Variants in VPS50 observed in about 807,000 individuals in gnomAD.
The protein encoded by VPS50 is syndetin.
VPS50 carries 70 observed loss-of-function variants against 139.7 expected under a neutral mutation model. The ratio of observed to expected loss-of-function variants is 0.50; its 90% CI spans 0.41 to 0.61. VPS50 has a LOEUF of 0.61. VPS50 is among the 20% of genes least tolerant of loss of function. The pLI, the probability that VPS50 is intolerant of heterozygous loss-of-function variation, is 0.00. For missense variants in VPS50, 921 were observed against 1,133.7 expected, an observed-to-expected ratio of 0.81 and a Z score of 2.69; for synonymous variants, 365 against 376.7, an observed-to-expected ratio of 0.97 and a Z score of 0.36.
intron 18 of VPS50, among the ~76,000 whole-genome samples, chr7:93,307,314 T>A (rs1474836952): frequency 1.3e-5 from 2 of 151,890 alleles, no homozygotes; most frequent in Non-Finnish European, 2.9e-5. Flanking sequence ...ATCACAGCCT[T>A]CTTGTACTTA....
At chr7:93,339,898 CTT>C (rs1798166983) in intron 22 of VPS50, among the ~76,000 whole-genome samples, 1 of 151,610 alleles carries the variant, frequency 6.6e-6, no homozygotes, top group Non-Finnish European at 1.5e-5. Flanking sequence ...TATTTTTTTT[CTT>C]TTTGTAAATT....
chr7:93,320,185 T>G lies in VPS50; in HGVS notation c.1856-3426T>G, dbSNP rs1797561806. Among the ~76,000 whole-genome samples, 4 of 152,236 alleles carry G rather than the reference T, an allele frequency of 2.6e-5. No homozygotes were observed. In the South Asian group the frequency reaches 8.3e-4, roughly 32 times the overall value. ...TTCAGTAGAAATTCGGACTCGGAAC[T>G]TTGTGTGAAATATAGGAAAGGGCTT... On this transcript the variant is annotated intron_variant, in intron 20 of 27. Coordinates refer to ENST00000305866, the MANE Select transcript of VPS50 (RefSeq NM_017667.4).
At chr7:93,271,198 C>CT in intron 9 of VPS50, 22 bp from the exon 10 acceptor site, 5 of 1,519,204 alleles carry the variant, frequency 3.3e-6, no homozygotes, top group South Asian at 2.5e-5. Flanking sequence ...TAGAAAAAAA[C>CT]TGTTTTTTTT....
intron 9 of VPS50, among the ~76,000 whole-genome samples, chr7:93,259,841 G>A (rs1486827435): frequency 2.0e-5 from 3 of 152,016 alleles, no homozygotes; most frequent in African/African-American, 7.2e-5. Context: ...GCTTTTTCTT[G>A]TCACCTCATT....
chr7:93,343,002 A>T (rs571004801), intron 23 of VPS50, among the ~76,000 whole-genome samples: 12 of 152,366 alleles, frequency 7.9e-5, no homozygotes, highest in African/African-American at 2.4e-4. Flanking sequence ...TGACGAGCTG[A>T]GAGAAGAAGG....
At chr7:93,303,102 T>C (rs1483401759) in intron 16 of VPS50, among the ~76,000 whole-genome samples, 2 of 152,018 alleles carry the variant, frequency 1.3e-5, no homozygotes, top group East Asian at 3.8e-4. Flanking sequence ...AAATTTTTTC[T>C]TGATGTTTTA....
At chr7:93,265,629 A>G (rs1165940896) in intron 9 of VPS50, among the ~76,000 whole-genome samples, 2 of 152,018 alleles carry the variant, frequency 1.3e-5, no homozygotes, top group African/African-American at 4.8e-5. Context: ...CAGTGGTACA[A>G]TCTCGGTTCA....
chr7:93,259,353 C>T, intron 8 of VPS50, 197 bp from the exon 9 acceptor site: 1 of 405,238 alleles, frequency 2.5e-6, no homozygotes. Context: ...TTAAATATTT[C>T]TTCTATGTAT....
At chr7:93,344,443 A>G (rs1490594889) in intron 23 of VPS50, among the ~76,000 whole-genome samples, 2 of 152,206 alleles carry the variant, frequency 1.3e-5, no homozygotes, top group East Asian at 3.8e-4. Flanking sequence ...GTTAACAAGG[A>G]TACCCAGGAA....
At chr7:93,258,808 T>C (rs1395766238) in intron 8 of VPS50, among the ~76,000 whole-genome samples, 1 of 152,048 alleles carries the variant, frequency 6.6e-6, no homozygotes, top group Non-Finnish European at 1.5e-5. Context: ...GCATTTTCTG[T>C]CTACTTCTGT....
chr7:93,251,741 TTG>T (rs1004449269), intron 2 of VPS50, among the ~76,000 whole-genome samples: 18 of 152,214 alleles, frequency 1.2e-4, no homozygotes, highest in Non-Finnish European at 2.1e-4. Flanking sequence ...AGTATTTTTA[TTG>T]TGTTATTTTA....
In VPS50 at chr7:93,349,938, G is replaced by A. The variant is rs760560920; in HGVS notation, c.2368G>A (p.Asp790Asn). The change falls in exon 25 of 28, where the codon GAT (aspartate) becomes AAT (asparagine). Residue 790 changes from aspartate (D) to asparagine (N), a missense_variant. Coordinates refer to ENST00000305866, the MANE Select transcript of VPS50 (RefSeq NM_017667.4). ...CTGGATTGTAGCTGGTAAAGCCCTT[G>A]ATTATGAACAGATGCTGCTTCTCAT... ...IYWIVAGKALDYEQMLLLMAN... is the reference protein window; with the variant it reads ...IYWIVAGKALNYEQMLLLMAN... 2 of 1,613,382 alleles carry A rather than the reference G, an allele frequency of 1.2e-6. No homozygotes were observed. The highest frequency in any genetic ancestry group is 1.7e-6 in the Non-Finnish European group (2 of 1,179,396).
At chr7:93,253,542 G>T (rs1323207703) in intron 3 of VPS50, among the ~76,000 whole-genome samples, 1 of 152,194 alleles carries the variant, frequency 6.6e-6, no homozygotes, top group Non-Finnish European at 1.5e-5. Context: ...CCTGTCACAG[G>T]CCGTGGCAGC....
At chr7:93,247,827 A>C (rs1795201374) in intron 2 of VPS50, among the ~76,000 whole-genome samples, 1 of 151,994 alleles carries the variant, frequency 6.6e-6, no homozygotes, top group African/African-American at 2.4e-5. Context: ...GTTTCTAATG[A>C]TAGTATGGGA....
chr7:93,330,895 T>A (rs1193059647), intron 21 of VPS50, among the ~76,000 whole-genome samples: 1 of 151,656 alleles, frequency 6.6e-6, no homozygotes, highest in Non-Finnish European at 1.5e-5. Context: ...TGGGAAACCC[T>A]AAGGAATCCA....
intron 20 of VPS50, among the ~76,000 whole-genome samples, chr7:93,314,132 G>T (rs1797353161): frequency 6.6e-6 from 1 of 152,174 alleles, no homozygotes; most frequent in Non-Finnish European, 1.5e-5. Flanking sequence ...AGTGCCTGAA[G>T]ATTATAAACT....
rs986449626 is a variant in VPS50, at chr7:93,322,423, C to A, written c.1856-1188C>A. On this transcript the variant is annotated intron_variant, in intron 20 of 27. Coordinates refer to ENST00000305866, the MANE Select transcript of VPS50 (RefSeq NM_017667.4). ...GACCATCCTGGCTAACACGGTGAAACCCCGTCTCTACTAAAAATACAAAAA... is the reference window on the plus strand; with the variant it reads ...GACCATCCTGGCTAACACGGTGAAAACCCGTCTCTACTAAAAATACAAAAA... 2.0e-5 allele frequency among the ~76,000 whole-genome samples: 3 copies of A among 151,416 alleles called. No homozygotes were observed. The East Asian group carries it at 5.8e-4, about 29-fold the overall frequency.
At chr7:93,252,580 T>C in intron 2 of VPS50, 73 bp from the exon 3 acceptor site, 1 of 1,011,566 alleles carries the variant, frequency 9.9e-7, no homozygotes. Context: ...TTAAGACAAA[T>C]GATCATTTAT....
At position 93,350,000 on chromosome 7, in the gene VPS50, A is replaced by G; in HGVS notation, c.2430A>G (p.Ser810=). Residue 810 remains serine (S), a synonymous_variant, in exon 25 of 28, where the codon TCA becomes TCG. Transcript: ENST00000305866. ...NVKWDVKEIM[S]QHNIYVDALL... ...AATGGGATGTAAAAGAAATTATGTC[A>G]CAGCACAACATATATGTAGATGCAC... 1.2e-6 allele frequency: 2 copies of G among 1,613,306 alleles called. No individual in the cohort carries two copies. Among genetic ancestry groups the G allele is most frequent in the Non-Finnish European group, 8.5e-7 (1 of 1,179,426 alleles).
Sources: gnomAD v4.1 joint callset for allele counts (sites outside exome capture counted in the v4.1 genomes callset) on GRCh38, gnomAD v4.1.1 for gene constraint, MANE v1.5 for transcripts, NCBI Gene and HGNC (gene_info 2026-07-23, HGNC 2026-07-21) for gene names.